Variants in RAD51B observed in about 807,000 individuals in gnomAD.
RAD51B encodes DNA repair protein RAD51 homolog 2.
Under a neutral mutation model 42.2 loss-of-function variants are expected in RAD51B, and 38 were observed. The observed-to-expected ratio is 0.90, with a 90% CI of 0.70 to 1.18. The LOEUF (loss-of-function observed/expected upper bound fraction) is 1.18, where lower values mean the gene tolerates loss of function less well. Among genes scored for constraint, RAD51B ranks in the 50% most tolerant of loss-of-function variants. The probability of loss-of-function intolerance (pLI) is 0.00; values close to 1 mark genes in which losing one functional copy is unlikely to be tolerated. For missense variants in RAD51B, 373 were observed against 400.7 expected (o/e 0.93, Z 0.59); for synonymous variants, 154 against 145.2 (o/e 1.06, Z -0.43).
At chr14:68,253,192 C>T (rs1480726910) in intron 7 of RAD51B, among the ~76,000 whole-genome samples, 1 of 151,878 alleles carries the variant, frequency 6.6e-6, no homozygotes, top group Non-Finnish European at 1.5e-5. Flanking sequence ...ATTGTCTATC[C>T]AGAGATACCT....
At chr14:68,257,554 T>G (rs1282120017) in intron 7 of RAD51B, among the ~76,000 whole-genome samples, 3 of 152,108 alleles carry the variant, frequency 2.0e-5, no homozygotes, top group African/African-American at 7.2e-5. Context: ...TAATAAGAAT[T>G]TTTACATAAT....
At chr14:68,385,896 C>T (rs562922516) in intron 8 of RAD51B, among the ~76,000 whole-genome samples, 1 of 152,294 alleles carries the variant, frequency 6.6e-6, no homozygotes, top group Non-Finnish European at 1.5e-5. Context: ...ACTATTACAT[C>T]TCTGATTTGC....
chr14:68,485,563 A>G (rs1343883191), intron 10 of RAD51B, among the ~76,000 whole-genome samples: 1 of 152,142 alleles, frequency 6.6e-6, no homozygotes, highest in Non-Finnish European at 1.5e-5. Flanking sequence ...CAGCAGAAGC[A>G]AGAGGAGCTT....
At chr14:67,846,587 C>T (rs2140319378) in intron 4 of RAD51B, among the ~76,000 whole-genome samples, 1 of 152,218 alleles carries the variant, frequency 6.6e-6, no homozygotes, top group East Asian at 1.9e-4. Context: ...TCTACTGGAG[C>T]TCTTGATGGT....
At chr14:68,290,487 G>A (rs951095782) in intron 7 of RAD51B, among the ~76,000 whole-genome samples, 1 of 152,216 alleles carries the variant, frequency 6.6e-6, no homozygotes, top group Non-Finnish European at 1.5e-5. Flanking sequence ...TACCAAATTT[G>A]AAAATTTGTG....
intron 5 of RAD51B, among the ~76,000 whole-genome samples, chr14:67,865,535 C>CTTTTTTT (rs34247540): frequency 2.2e-5 from 2 of 89,970 alleles, no homozygotes; most frequent in African/African-American, 4.5e-5. Flanking sequence ...CTGTGCCTGG[C>CTTTTTTT]TTTTTTTTTT....
chr14:68,542,644 G>A (rs758236967), intron 10 of RAD51B, among the ~76,000 whole-genome samples: 5 of 152,200 alleles, frequency 3.3e-5, no homozygotes, highest in Non-Finnish European at 5.9e-5. Flanking sequence ...TGAGGAGCCC[G>A]TTGTCAATAT....
intron 10 of RAD51B, among the ~76,000 whole-genome samples, chr14:68,620,968 T>A (rs914748316): frequency 6.6e-6 from 1 of 152,214 alleles, no homozygotes; most frequent in African/African-American, 2.4e-5. Context: ...TTAGATTGCA[T>A]GTTTATTTAC....
Position 68,534,690 on chromosome 14 carries a change from A to G in RAD51B, c.1037-59795A>G, listed in dbSNP as rs141094009. ...AGAAAGCTGAGTGGAGTGGGTGGAT[A>G]TTGGGTCAGATATTAATAGCAGTAC... is the stretch of plus-strand genomic sequence containing the variant. On this transcript the variant is annotated intron_variant, in intron 10 of 10. Transcript: ENST00000487270. 7.8e-3 allele frequency among the ~76,000 whole-genome samples: 1,181 copies of G among 152,288 alleles called. 6 individuals are homozygous for G. The highest frequency in any genetic ancestry group is 0.013 in the Non-Finnish European group (880 of 68,016).
chr14:67,951,594 A>C (rs1262201370), intron 7 of RAD51B, among the ~76,000 whole-genome samples: 1 of 152,174 alleles, frequency 6.6e-6, no homozygotes, highest in Non-Finnish European at 1.5e-5. Context: ...TATGATCCCA[A>C]GAGTCACAAG....
chr14:68,213,295 A>G (rs1310513463), intron 7 of RAD51B, among the ~76,000 whole-genome samples: 1 of 152,174 alleles, frequency 6.6e-6, no homozygotes, highest in Non-Finnish European at 1.5e-5. Flanking sequence ...TCTGAGGTGT[A>G]TACTAGTAAT....
chr14:67,932,082 G>T (rs1432019905), intron 7 of RAD51B, among the ~76,000 whole-genome samples: 1 of 152,208 alleles, frequency 6.6e-6, no homozygotes, highest in Non-Finnish European at 1.5e-5. Context: ...CACCCAGGAA[G>T]TGAGCACAGT....
intron 7 of RAD51B, among the ~76,000 whole-genome samples, chr14:68,202,838 T>C (rs2079517343): frequency 6.6e-6 from 1 of 152,086 alleles, no homozygotes; most frequent in African/African-American, 2.4e-5. Context: ...CACCTCAGCC[T>C]CACAAAGTGC....
At chr14:68,349,223 A>G (rs1361383311) in intron 8 of RAD51B, among the ~76,000 whole-genome samples, 4 of 152,196 alleles carry the variant, frequency 2.6e-5, no homozygotes. Context: ...CATTTGACAT[A>G]TAGGCCAAAT....
At chr14:68,218,567 T>G (rs2079861350) in intron 7 of RAD51B, among the ~76,000 whole-genome samples, 1 of 152,232 alleles carries the variant, frequency 6.6e-6, no homozygotes, top group Non-Finnish European at 1.5e-5. Flanking sequence ...GATGTGGCAT[T>G]AGCATTGATT....
intron 7 of RAD51B, among the ~76,000 whole-genome samples, chr14:68,199,991 C>T (rs1349127876): frequency 6.6e-6 from 1 of 152,152 alleles, no homozygotes; most frequent in Non-Finnish European, 1.5e-5. Context: ...TGGGAGTACC[C>T]TTTGATGTTT....
intron 7 of RAD51B, among the ~76,000 whole-genome samples, chr14:68,009,260 A>G (rs2075644963): frequency 6.6e-6 from 1 of 151,958 alleles, no homozygotes. Context: ...GAGATTTTAT[A>G]GTACAGAGGG....
intron 7 of RAD51B, among the ~76,000 whole-genome samples, chr14:67,898,469 G>C (rs1393469829): frequency 1.3e-5 from 2 of 152,178 alleles, no homozygotes; most frequent in East Asian, 3.8e-4. Flanking sequence ...AAGGGTAAAA[G>C]TTTTAGTTAC....
At chr14:68,622,045 G>A (rs1891961087) in intron 10 of RAD51B, among the ~76,000 whole-genome samples, 1 of 152,224 alleles carries the variant, frequency 6.6e-6, no homozygotes, top group Non-Finnish European at 1.5e-5. Flanking sequence ...CTGGAACCTG[G>A]GCACCTGGAA....
Sources: gnomAD v4.1 joint callset for allele counts (sites outside exome capture counted in the v4.1 genomes callset) on GRCh38, gnomAD v4.1.1 for gene constraint, MANE v1.5 for transcripts, NCBI Gene and HGNC (gene_info 2026-07-23, HGNC 2026-07-21) for gene names.